The following UHRF2 variants were observed in gnomAD, a reference collection of about 807,000 sequenced individuals.
UHRF2 encodes ubiquitin like with PHD and ring finger domains 2, also known as E3 ubiquitin-protein ligase UHRF2.
In UHRF2, 23 loss-of-function variants were observed where a neutral mutation model predicts 96.8. The observed-to-expected ratio is 0.24, with a 90% CI of 0.17 to 0.34. UHRF2 has a LOEUF of 0.34. Among genes scored for constraint, UHRF2 ranks in the 10% least tolerant of loss-of-function variants. The pLI, the probability that UHRF2 is intolerant of heterozygous loss-of-function variation, is 1.00. For missense variants in UHRF2, 685 were observed against 981.5 expected, an observed-to-expected ratio of 0.70 and a Z score of 4.04; for synonymous variants, 385 against 332.6, an observed-to-expected ratio of 1.16 and a Z score of -1.72.
intron 9 of UHRF2, among the ~76,000 whole-genome samples, chr9:6,490,342 A>G (rs13300059): frequency 0.032 from 4,823 of 152,358 alleles, 100 homozygotes; most frequent in Middle Eastern, 0.071. Context: ...AGAATATTAA[A>G]TAAGGCCAGT....
At chr9:6,443,111 C>A (rs1821276688) in intron 3 of UHRF2, among the ~76,000 whole-genome samples, 1 of 152,084 alleles carries the variant, frequency 6.6e-6, no homozygotes, top group African/African-American at 2.4e-5. Flanking sequence ...AAGGAAAATT[C>A]TTATGAAAGT....
At chr9:6,484,932 T>TA (rs1342112709) in intron 8 of UHRF2, among the ~76,000 whole-genome samples, 1 of 151,888 alleles carries the variant, frequency 6.6e-6, no homozygotes, top group African/African-American at 2.4e-5. Flanking sequence ...TAGCTGGTAT[T>TA]ACAGGTATAC....
chr9:6,435,579 A>G (rs1464358591), intron 3 of UHRF2, among the ~76,000 whole-genome samples: 1 of 152,106 alleles, frequency 6.6e-6, no homozygotes, highest in Non-Finnish European at 1.5e-5. Context: ...GTCACTCCCC[A>G]GTCCCACTTC....
intron 2 of UHRF2, among the ~76,000 whole-genome samples, chr9:6,433,697 G>A (rs1328788116): frequency 6.6e-6 from 1 of 152,210 alleles, no homozygotes; most frequent in Non-Finnish European, 1.5e-5. Context: ...TTCATTGAAG[G>A]AAATGAGGAA....
At chr9:6,488,352 G>T (rs1248009730) in intron 9 of UHRF2, among the ~76,000 whole-genome samples, 1 of 137,940 alleles carries the variant, frequency 7.2e-6, no homozygotes, top group African/African-American at 2.7e-5. Flanking sequence ...TCTCCCAGTG[G>T]TGACATCTTG....
chr9:6,460,882 A>G, intron 4 of UHRF2, 91 bp downstream of exon 4: 1 of 1,015,158 alleles, frequency 9.9e-7, no homozygotes, highest in East Asian at 2.7e-5. Flanking sequence ...TAGTAAAAAA[A>G]GATGGAGTCT....
intron 3 of UHRF2, among the ~76,000 whole-genome samples, chr9:6,448,042 G>A (rs890301451): frequency 3.3e-5 from 5 of 152,180 alleles, no homozygotes; most frequent in African/African-American, 1.2e-4. Context: ...AATATAGGAG[G>A]TAATGGAAGG....
chr9:6,422,459 CA>C, intron 2 of UHRF2, among the ~76,000 whole-genome samples: 1 of 152,186 alleles, frequency 6.6e-6, no homozygotes, highest in Admixed American at 6.5e-5. Context: ...TATTTGCATA[CA>C]AAAAACTGTA....
chr9:6,444,812 A>G (rs557073347), intron 3 of UHRF2, among the ~76,000 whole-genome samples: 4 of 152,144 alleles, frequency 2.6e-5, no homozygotes, highest in Non-Finnish European at 4.4e-5. Context: ...CATGTTGGCC[A>G]GGCTGGTCTT....
intron 3 of UHRF2, among the ~76,000 whole-genome samples, chr9:6,437,725 C>A (rs1162502285): frequency 6.6e-6 from 1 of 152,152 alleles, no homozygotes; most frequent in Non-Finnish European, 1.5e-5. Flanking sequence ...TCAAGTAATT[C>A]TCGTGCCTCA....
rs1816585421 is a variant in UHRF2 at position 6,506,387 on chromosome 9, A to C, written c.*208A>C. 1 of 522,540 alleles carries C rather than the reference A, an allele frequency of 1.9e-6. No homozygotes were observed. The highest frequency in any genetic ancestry group is 1.9e-5 in the African/African-American group (1 of 51,442). The allele number at this position is 522,540 out of a possible 1,614,324, so 32.4% of individuals were successfully genotyped here. ...AATATCTAAAGGTAGTTCCTGTAAC[A>C]ACTAGTTTTAATGAGTAAAAAGTCA... is the stretch of plus-strand genomic sequence containing the variant. On this transcript the variant is annotated 3_prime_UTR_variant, in exon 16 of 16. Transcript: ENST00000276893.
At chr9:6,484,646 A>G (rs1462619362) in intron 8 of UHRF2, 4 of 147,780 alleles carry the variant, frequency 2.7e-5, no homozygotes, top group Non-Finnish European at 6.0e-5. Context: ...CCCTGGGGTC[A>G]ATTTCTCCTG....
At position 6,431,580 on chromosome 9, in the gene UHRF2, T is replaced by TA. The variant is rs901386302; in HGVS notation, c.385-2323dup. ...AGCCTGGGCAGCAGATAGCCTGTCT[T>TA]AAAAAAAAAAATTCTTACGTCCAGT... On this transcript the variant is annotated intron_variant, in intron 2 of 15. Coordinates refer to ENST00000276893, the MANE Select transcript of UHRF2 (RefSeq NM_152896.3). 1.1e-3 allele frequency among the ~76,000 whole-genome samples: 163 copies of TA among 148,634 alleles called. 1 individual carries two copies. The highest frequency in any genetic ancestry group is 6.9e-3 in the Middle Eastern group (2 of 290).
chr9:6,469,087 A>G (rs1232459826), intron 4 of UHRF2, among the ~76,000 whole-genome samples: 1 of 152,256 alleles, frequency 6.6e-6, no homozygotes, highest in Non-Finnish European at 1.5e-5. Flanking sequence ...TCAAGTTATC[A>G]GAGAAACTTT....
chr9:6,434,957 A>G (rs1330875088), intron 3 of UHRF2, among the ~76,000 whole-genome samples: 1 of 150,898 alleles, frequency 6.6e-6, no homozygotes, highest in Non-Finnish European at 1.5e-5. Flanking sequence ...TAGCCTCCCA[A>G]GTAGCTGAGA....
intron 3 of UHRF2, among the ~76,000 whole-genome samples, chr9:6,459,542 G>A (rs1455500855): frequency 6.6e-6 from 1 of 152,210 alleles, no homozygotes; most frequent in Non-Finnish European, 1.5e-5. Flanking sequence ...GGTGGCACAT[G>A]CCTGTAATCC....
chr9:6,469,764 G>C (rs1045770963), intron 4 of UHRF2, among the ~76,000 whole-genome samples: 2 of 148,044 alleles, frequency 1.4e-5, no homozygotes, highest in African/African-American at 2.5e-5. Context: ...ATATACACAC[G>C]TATATATGTG....
chr9:6,423,862 T>C (rs1467187572), intron 2 of UHRF2, among the ~76,000 whole-genome samples: 1 of 152,028 alleles, frequency 6.6e-6, no homozygotes, highest in Non-Finnish European at 1.5e-5. Flanking sequence ...GGAGAATTGC[T>C]TGAACTTGGA....
intron 3 of UHRF2, among the ~76,000 whole-genome samples, chr9:6,451,773 T>TTTGTTGTTGTTGTTG (rs1168664809): frequency 0.035 from 5,206 of 148,852 alleles, 120 homozygotes; most frequent in South Asian, 0.058. Flanking sequence ...GCCCGGCCTG[T>TTTGTTGTTGTTGTTG]TTGTTGTTGT....
Sources: allele counts gnomAD v4.1 joint callset (sites outside exome capture counted in the v4.1 genomes callset), GRCh38; gene constraint gnomAD v4.1.1; transcripts MANE v1.5; gene names NCBI Gene and HGNC (gene_info 2026-07-23, HGNC 2026-07-21).